ATE1: variants seen among roughly 807,000 people sequenced by gnomAD.
ATE1 encodes arginyltransferase 1, also known as arginyl-tRNA--protein transferase 1.
A neutral mutation model predicts 70.5 loss-of-function variants in ATE1; 36 were observed. The ratio of observed to expected loss-of-function variants is 0.51; its 90% CI spans 0.39 to 0.67. ATE1 has a LOEUF of 0.67. ATE1 is among the 30% of genes least tolerant of loss of function. ATE1 has a pLI of 0.00. For synonymous variants in ATE1, 232 were observed against 219.3 expected (o/e 1.06, Z -0.51); for missense variants, 593 against 629.5 (o/e 0.94, Z 0.62).
intron 2 of ATE1, among the ~76,000 whole-genome samples, chr10:121,923,537 C>G (rs1010253453): frequency 4.2e-4 from 64 of 152,156 alleles, no homozygotes; most frequent in African/African-American, 1.5e-3. Flanking sequence ...TAAAATCTGA[C>G]CTATGTCTAC....
chr10:121,818,351 GAGTT>G (rs922931375), intron 10 of ATE1, among the ~76,000 whole-genome samples: 1 of 150,822 alleles, frequency 6.6e-6, no homozygotes, highest in Admixed American at 6.6e-5. Flanking sequence ...AGAGAAAAGT[GAGTT>G]AGTCAAAGAT....
At chr10:121,875,070 C>T (rs1349111935) in intron 7 of ATE1, among the ~76,000 whole-genome samples, 2 of 141,636 alleles carry the variant, frequency 1.4e-5, no homozygotes, top group Non-Finnish European at 3.0e-5. Flanking sequence ...ACCCAGGAGA[C>T]GGAGCTTGCA....
chr10:121,810,559 C>T (rs774559264), intron 10 of ATE1, among the ~76,000 whole-genome samples: 13 of 152,046 alleles, frequency 8.6e-5, no homozygotes, highest in Non-Finnish European at 1.3e-4. Flanking sequence ...CGTGAGACAC[C>T]GCGCCCGGCC....
At chr10:121,864,084 C>A (rs960713559) in intron 8 of ATE1, among the ~76,000 whole-genome samples, 4 of 152,162 alleles carry the variant, frequency 2.6e-5, no homozygotes, top group African/African-American at 9.7e-5. Flanking sequence ...CACATGTGGC[C>A]ACTTAGCCTT....
intron 10 of ATE1, among the ~76,000 whole-genome samples, chr10:121,830,703 A>G (rs1948202480): frequency 6.6e-6 from 1 of 152,176 alleles, no homozygotes; most frequent in African/African-American, 2.4e-5. Context: ...ATTAAAATCA[A>G]TATGTTGTTG....
At chr10:121,813,154 A>G (rs1371575788) in intron 10 of ATE1, among the ~76,000 whole-genome samples, 1 of 152,218 alleles carries the variant, frequency 6.6e-6, no homozygotes, top group East Asian at 1.9e-4. Flanking sequence ...TAAATATGAA[A>G]TCAAGCCCAA....
intron 11 of ATE1, among the ~76,000 whole-genome samples, chr10:121,780,611 C>T (rs1413824055): frequency 6.6e-6 from 1 of 152,198 alleles, no homozygotes; most frequent in East Asian, 1.9e-4. Flanking sequence ...AAAATCTCAA[C>T]TCCTTATCAT....
At chr10:121,827,730 A>G (rs548426749) in intron 10 of ATE1, among the ~76,000 whole-genome samples, 1 of 152,366 alleles carries the variant, frequency 6.6e-6, no homozygotes, top group South Asian at 2.1e-4. Context: ...TTTTGTGACT[A>G]TCTTGTGCCT....
Position 121,911,086 on chromosome 10 carries a change from C to A in ATE1, c.403G>T (p.Asp135Tyr), listed in dbSNP as rs1157381419. The A allele has an allele frequency of 1.2e-6, 2 of 1,612,174 alleles. No individual in the cohort carries two copies. Among genetic ancestry groups the A allele is most frequent in the Non-Finnish European group, 1.7e-6 (2 of 1,179,682 alleles). ...AGDFALINKL[D>Y]IQCDLKTLSD... is the part of the protein sequence containing the mutation. ...AGTGTTTTAAGATCACACTGTATAT[C>A]CAGTTTATTTATCAATGCAAAGTCA... The change falls in exon 5 of 12, where the codon GAT (aspartate) becomes TAT (tyrosine). Residue 135 changes from aspartate (D) to tyrosine (Y), a missense_variant. This residue lies in a region of ATE1 where 467 missense variants were observed against 469.6 expected (regional missense o/e 0.99). Coordinates refer to ENST00000224652, the MANE Select transcript of ATE1 (RefSeq NM_001001976.3).
intron 8 of ATE1, among the ~76,000 whole-genome samples, chr10:121,858,660 A>ATAAATATATAATATATATTT (rs1949343157): frequency 7.2e-6 from 1 of 139,216 alleles, no homozygotes; most frequent in Admixed American, 7.5e-5. Flanking sequence ...TATACATATA[A>ATAAATATATAATATATATTT]TATATATATA....
intron 11 of ATE1, among the ~76,000 whole-genome samples, chr10:121,750,917 T>C (rs1488107754): frequency 1.3e-5 from 2 of 152,210 alleles, no homozygotes; most frequent in African/African-American, 4.8e-5. Flanking sequence ...AAGTCAAGTA[T>C]GATTTAGAAT....
chr10:121,852,992 G>A (rs1256839222), intron 8 of ATE1, among the ~76,000 whole-genome samples: 5 of 152,084 alleles, frequency 3.3e-5, no homozygotes, highest in East Asian at 3.9e-4. Context: ...TATCAATGGA[G>A]CGATTATGAG....
At chr10:121,799,981 T>G (rs1404457077) in intron 10 of ATE1, among the ~76,000 whole-genome samples, 2 of 152,190 alleles carry the variant, frequency 1.3e-5, no homozygotes, top group Non-Finnish European at 2.9e-5. Flanking sequence ...AATCCTGTGT[T>G]AAAAGGTCCA....
At chr10:121,768,425 T>C (rs895062396) in intron 11 of ATE1, among the ~76,000 whole-genome samples, 1 of 152,134 alleles carries the variant, frequency 6.6e-6, no homozygotes, top group African/African-American at 2.4e-5. Context: ...ATTACACAAA[T>C]TGGGTCATTC....
intron 7 of ATE1, among the ~76,000 whole-genome samples, chr10:121,888,787 T>C (rs1000481863): frequency 1.3e-5 from 2 of 152,182 alleles, no homozygotes; most frequent in African/African-American, 4.8e-5. Context: ...CATAAAACAC[T>C]ATACAGCGAT....
intron 11 of ATE1, among the ~76,000 whole-genome samples, chr10:121,751,831 TTTC>T (rs572471627): frequency 1.9e-3 from 289 of 152,264 alleles, no homozygotes; most frequent in African/African-American, 6.6e-3. Flanking sequence ...ATCAATTTTT[TTTC>T]TTTTGTTGCC....
intron 7 of ATE1, among the ~76,000 whole-genome samples, chr10:121,871,475 G>A (rs1352697207): frequency 6.6e-6 from 1 of 152,012 alleles, no homozygotes; most frequent in East Asian, 1.9e-4. Flanking sequence ...TAAAAAACAA[G>A]TAAGATAAAA....
chr10:121,927,551 G>A (rs1320984445), intron 1 of ATE1: 3 of 984,214 alleles, frequency 3.0e-6, no homozygotes, highest in Non-Finnish European at 3.6e-6. Context: ...CCCTGGCACT[G>A]CGCGCCGTCC....
intron 8 of ATE1, among the ~76,000 whole-genome samples, chr10:121,859,813 G>C (rs931503153): frequency 6.6e-6 from 1 of 151,998 alleles, no homozygotes; most frequent in Non-Finnish European, 1.5e-5. Flanking sequence ...ATGGTGGCAG[G>C]TGCCTGTAAT....
Sources: gnomAD v4.1 joint callset for allele counts (sites outside exome capture counted in the v4.1 genomes callset) on GRCh38, gnomAD v4.1.1 for gene constraint, gnomAD v4.1.1 regional missense constraint, MANE v1.5 for transcripts, NCBI Gene and HGNC (gene_info 2026-07-23, HGNC 2026-07-21) for gene names.